FBLN5: variants seen among roughly 807,000 people sequenced by gnomAD.
FBLN5 encodes the protein fibulin 5, also known as fibulin-5.
FBLN5 carries 24 observed loss-of-function variants against 61.6 expected under a neutral mutation model. The ratio of observed to expected loss-of-function variants is 0.39; its 90% CI spans 0.28 to 0.55. FBLN5 has a LOEUF of 0.55. FBLN5 is among the 20% of genes least tolerant of loss of function. The pLI, the probability that FBLN5 is intolerant of heterozygous loss-of-function variation, is 0.65. For synonymous variants in FBLN5, 213 were observed against 219.8 expected, an observed-to-expected ratio of 0.97 and a Z score of 0.27; for missense variants, 470 against 594.1, an observed-to-expected ratio of 0.79 and a Z score of 2.17.
Position 91,882,822 on chromosome 14 carries a change from C to A in FBLN5, c.862+132G>T. On this transcript the variant is annotated intron_variant, in intron 8 of 10. Coordinates refer to ENST00000342058, the MANE Select transcript of FBLN5 (RefSeq NM_006329.4). This position sits in a 1 kb window ranked among gnomAD's most constrained non-coding sequence, Gnocchi z 4.9. ...CTGCCACTATGAGAGCCACCAGCAC[C>A]CACTCACACCCCCACCCCTGCCACC... The A allele has an allele frequency of 1.0e-6, 1 of 987,094 alleles. No individual in the cohort carries two copies. The highest frequency in any genetic ancestry group is 1.5e-6 in the Non-Finnish European group (1 of 648,602). The allele number at this position is 987,094 out of a possible 1,614,324, so 61.1% of individuals were successfully genotyped here. A position where few individuals can be genotyped will look rare whatever the true frequency, so the allele number is the denominator to read the frequency against.
intron 2 of FBLN5, 74 bp downstream of exon 2, chr14:91,942,833 G>T: frequency 1.1e-6 from 1 of 945,760 alleles, no homozygotes; most frequent in Non-Finnish European, 1.7e-6. Flanking sequence ...CTAGGGTTCC[G>T]TAGCGCAAGG....
intron 4 of FBLN5, among the ~76,000 whole-genome samples, chr14:91,935,583 A>C (rs2056000958): frequency 6.6e-6 from 1 of 152,162 alleles, no homozygotes; most frequent in African/African-American, 2.4e-5. Context: ...TATAGTTAGG[A>C]GATTGTAGAC....
intron 1 of FBLN5, among the ~76,000 whole-genome samples, chr14:91,944,183 T>C (rs1829601955): frequency 6.6e-6 from 1 of 151,952 alleles, no homozygotes; most frequent in African/African-American, 2.4e-5. Context: ...AATACAAAAA[T>C]TTGCCAGGCA....
rs2056132442 is a variant in FBLN5 at position 91,943,088 on chromosome 14, C to T, written c.18-127G>A. ...GGGCTTGTATGGGGTGGGGTGTGCTCCAGGGAGGTCATGGTGGTTCCAGAC... is the reference window on the plus strand; with the variant it reads ...GGGCTTGTATGGGGTGGGGTGTGCTTCAGGGAGGTCATGGTGGTTCCAGAC... On this transcript the variant is annotated intron_variant, in intron 1 of 10. Transcript: ENST00000342058. The surrounding 1 kb of genome is among the most constrained non-coding windows in gnomAD (Gnocchi z 4.0). 1.4e-6 allele frequency: 1 copy of T among 723,866 alleles called. No homozygotes were observed. The highest frequency in any genetic ancestry group is 2.5e-6 in the Non-Finnish European group (1 of 396,094). 44.8% of individuals were successfully genotyped at this position (723,866 alleles called of 1,614,324 possible).
chr14:91,875,719 C>T (rs776953346), intron 10 of FBLN5, among the ~76,000 whole-genome samples: 2 of 152,294 alleles, frequency 1.3e-5, no homozygotes, highest in South Asian at 2.1e-4. Flanking sequence ...CTACCATTAC[C>T]GGGAGGGTGA....
At chr14:91,929,426 A>C (rs1023292299) in intron 4 of FBLN5, among the ~76,000 whole-genome samples, 3 of 152,220 alleles carry the variant, frequency 2.0e-5, no homozygotes, top group Admixed American at 2.0e-4. Flanking sequence ...CACAGACCCC[A>C]GATTACGACC....
At chr14:91,908,972 A>C (rs976393370) in intron 4 of FBLN5, among the ~76,000 whole-genome samples, 2 of 151,750 alleles carry the variant, frequency 1.3e-5, no homozygotes, top group East Asian at 1.9e-4. Flanking sequence ...GGCTGGAGTG[A>C]AGTGGCGCAA....
rs117153154 is a variant in FBLN5 at position 91,931,333 on chromosome 14, C to T, written c.379+5614G>A. ...TGTCCACAAGCTCTAGAGAGAGCTC[C>T]GTGGCCATGCAAAACTCCACATCCC... On this transcript the variant is annotated intron_variant, in intron 4 of 10. Transcript: ENST00000342058. 2.9e-3 allele frequency among the ~76,000 whole-genome samples: 435 copies of T among 152,274 alleles called. 3 individuals carry two copies. Among genetic ancestry groups the T allele is most frequent in the Non-Finnish European group, 2.4e-3 (160 of 68,018 alleles).
intron 7 of FBLN5, among the ~76,000 whole-genome samples, chr14:91,883,881 T>C (rs1889602644): frequency 6.6e-6 from 1 of 152,192 alleles, no homozygotes; most frequent in Non-Finnish European, 1.5e-5. Flanking sequence ...CTATGGCGGT[T>C]GATGCAGATG....
At chr14:91,919,709 A>C (rs1271833327) in intron 4 of FBLN5, among the ~76,000 whole-genome samples, 1 of 152,240 alleles carries the variant, frequency 6.6e-6, no homozygotes, top group African/African-American at 2.4e-5. Flanking sequence ...AAAGTCAAGT[A>C]AAGGAAAGGA....
chr14:91,904,427 G>A (rs531913822), intron 4 of FBLN5, among the ~76,000 whole-genome samples: 10 of 152,298 alleles, frequency 6.6e-5, no homozygotes, highest in African/African-American at 2.4e-4. Context: ...GGCTCACAGT[G>A]CCTGGAGGCC....
At chr14:91,904,170 T>TA (rs1890575799) in intron 4 of FBLN5, among the ~76,000 whole-genome samples, 1 of 152,164 alleles carries the variant, frequency 6.6e-6, no homozygotes, top group East Asian at 1.9e-4. Context: ...TTCACAATCA[T>TA]AGCTTAAGCA....
At position 91,882,457 on chromosome 14, in the gene FBLN5, T is replaced by C. The variant is rs746709466; in HGVS notation, c.862+497A>G. Among the ~76,000 whole-genome samples, 2 of 152,182 alleles carry C rather than the reference T, an allele frequency of 1.3e-5. No homozygotes were observed. Among genetic ancestry groups the C allele is most frequent in the Non-Finnish European group, 2.9e-5 (2 of 68,034 alleles). On this transcript the variant is annotated intron_variant, in intron 8 of 10. Transcript: ENST00000342058. The surrounding 1 kb of genome is among the most constrained non-coding windows in gnomAD (Gnocchi z 4.9). ...GCAAACAGGAGAAGGCCCACCCCTT[T>C]TACAGTCTGGGGTCCCAGCCCTTGC...
At chr14:91,873,187 C>A (rs1334838107) in intron 10 of FBLN5, among the ~76,000 whole-genome samples, 1 of 152,168 alleles carries the variant, frequency 6.6e-6, no homozygotes, top group African/African-American at 2.4e-5. Context: ...GCTTTTAGGG[C>A]AGAGCCAGGG....
intron 4 of FBLN5, among the ~76,000 whole-genome samples, chr14:91,902,718 A>G (rs902058509): frequency 6.6e-6 from 1 of 152,234 alleles, no homozygotes; most frequent in African/African-American, 2.4e-5. Flanking sequence ...CACTTTGAGT[A>G]ACAAGGTGCT....
intron 10 of FBLN5, among the ~76,000 whole-genome samples, chr14:91,871,621 C>A (rs1321749351): frequency 6.6e-6 from 1 of 152,140 alleles, no homozygotes. Context: ...ATTTGGGAGG[C>A]CGAGGTGGGC....
intron 4 of FBLN5, among the ~76,000 whole-genome samples, chr14:91,925,690 G>A (rs927063005): frequency 4.6e-5 from 7 of 152,326 alleles, no homozygotes; most frequent in East Asian, 1.9e-4. Flanking sequence ...GACAGTGGAC[G>A]TGGGTTTCTT....
At chr14:91,938,419 C>T (rs1282767367) in intron 3 of FBLN5, 3 of 154,838 alleles carry the variant, frequency 1.9e-5, no homozygotes, top group African/African-American at 4.8e-5. Flanking sequence ...TGCGCCATTG[C>T]ACTCCAGCCT....
chr14:91,914,378 T>C (rs1891090084), intron 4 of FBLN5, among the ~76,000 whole-genome samples: 1 of 145,928 alleles, frequency 6.9e-6, no homozygotes, highest in Admixed American at 7.2e-5. Flanking sequence ...CTCAGGAGGC[T>C]GAGGCAGGAG....
Sources: allele counts gnomAD v4.1 joint callset (sites outside exome capture counted in the v4.1 genomes callset), GRCh38; gene constraint gnomAD v4.1.1; non-coding constraint Gnocchi (gnomAD v3.1); transcripts MANE v1.5; gene names NCBI Gene and HGNC (gene_info 2026-07-23, HGNC 2026-07-21).